Variants in NCOR1 observed in about 807,000 individuals in gnomAD.
The protein encoded by NCOR1 is protein phosphatase 1, regulatory subunit 109.
A neutral mutation model predicts 288.1 loss-of-function variants in NCOR1; 63 were observed. The observed-to-expected ratio is 0.22, with a 90% CI of 0.18 to 0.27. The LOEUF (loss-of-function observed/expected upper bound fraction) is 0.27. NCOR1 is among the 10% of genes least tolerant of loss of function. The pLI, the probability that NCOR1 is intolerant of heterozygous loss-of-function variation, is 1.00. For synonymous variants in NCOR1, 1,007 were observed against 1,065.9 expected (o/e 0.94, Z 1.08); for missense variants, 2,397 against 3,019.2 (o/e 0.79, Z 4.83).
At chr17:16,103,060 T>C (rs1199157734) in intron 19 of NCOR1, among the ~76,000 whole-genome samples, 3 of 152,240 alleles carry the variant, frequency 2.0e-5, no homozygotes, top group Non-Finnish European at 4.4e-5. Flanking sequence ...TAATCGTTTA[T>C]ATTGTTCTAT....
chr17:16,093,512 C>A (rs940979151), intron 21 of NCOR1, among the ~76,000 whole-genome samples: 1 of 152,026 alleles, frequency 6.6e-6, no homozygotes, highest in Non-Finnish European at 1.5e-5. Context: ...GATGTTTTGT[C>A]CAATACTTAA....
intron 10 of NCOR1, among the ~76,000 whole-genome samples, chr17:16,145,794 T>C (rs1454766916): frequency 5.3e-5 from 8 of 151,892 alleles, no homozygotes; most frequent in African/African-American, 1.9e-4. Flanking sequence ...GTCTGGGAGG[T>C]GTGCCCAACA....
intron 32 of NCOR1, among the ~76,000 whole-genome samples, chr17:16,067,082 G>A (rs1050771952): frequency 2.0e-5 from 3 of 152,062 alleles, no homozygotes; most frequent in Admixed American, 1.3e-4. Context: ...GATTATAACA[G>A]CCCAGCCAAG....
intron 18 of NCOR1, among the ~76,000 whole-genome samples, chr17:16,112,982 C>T (rs1476097289): frequency 1.3e-5 from 2 of 152,256 alleles, no homozygotes; most frequent in East Asian, 3.9e-4. Flanking sequence ...GCGATCTCGG[C>T]TCACTGCAAG....
Position 16,143,664 on chromosome 17 carries a change from G to A in NCOR1, c.1115C>T (p.Thr372Ile). The A allele has an allele frequency of 6.2e-7, 1 of 1,613,792 alleles. No homozygotes were observed. The highest frequency in any genetic ancestry group is 8.5e-7 in the Non-Finnish European group (1 of 1,179,822). Reference protein sequence around the residue: ...VGQRGAGLSATIARSEHEISE... With the variant: ...VGQRGAGLSAIIARSEHEISE... ...AATCTCATGCTCACTCCTAGCAATG[G>A]TGGCTGAAAGACCAGCTCCCCTCTG... is the stretch of plus-strand genomic sequence containing the variant. Residue 372 changes from threonine (T) to isoleucine (I), a missense_variant, in exon 11 of 46, where the codon ACC (threonine) becomes ATC (isoleucine). Thr to Ile is a moderately conservative substitution (Grantham distance 89). This residue lies in a region of NCOR1 where 51 missense variants were observed against 127.6 expected (regional missense o/e 0.40). Transcript: ENST00000268712.
intron 2 of NCOR1, among the ~76,000 whole-genome samples, chr17:16,191,188 C>T (rs761331710): frequency 6.6e-6 from 1 of 152,130 alleles, no homozygotes; most frequent in Non-Finnish European, 1.5e-5. Context: ...ATAAAGCAAA[C>T]AATTCCCTGA....
chr17:16,214,963 G>A (rs1044791799), intron 1 of NCOR1, among the ~76,000 whole-genome samples: 1 of 152,162 alleles, frequency 6.6e-6, no homozygotes, highest in Non-Finnish European at 1.5e-5. Flanking sequence ...CTTCCAAGTC[G>A]GCCACCAACT....
chr17:16,052,454 TAAGA>T (rs1196588046), intron 40 of NCOR1, among the ~76,000 whole-genome samples: 1 of 152,058 alleles, frequency 6.6e-6, no homozygotes, highest in Non-Finnish European at 1.5e-5. Context: ...CAAACAATCA[TAAGA>T]AAATATTATG....
chr17:16,124,316 T>C (rs569241327), intron 15 of NCOR1, among the ~76,000 whole-genome samples: 1 of 147,500 alleles, frequency 6.8e-6, no homozygotes, highest in African/African-American at 2.7e-5. Flanking sequence ...AAAGAAGCCA[T>C]ACATACTGTA....
At chr17:16,104,019 C>T (rs1379219507) in intron 19 of NCOR1, among the ~76,000 whole-genome samples, 1 of 152,132 alleles carries the variant, frequency 6.6e-6, no homozygotes, top group African/African-American at 2.4e-5. Flanking sequence ...CCCAAAAAAG[C>T]CTTCCATGGT....
At chr17:16,071,294 A>C in intron 30 of NCOR1, 115 bp downstream of exon 30, 1 of 1,426,562 alleles carries the variant, frequency 7.0e-7, no homozygotes, top group Non-Finnish European at 9.5e-7. Context: ...GGAAACTTTC[A>C]TGTTTACTTC....
intron 1 of NCOR1, among the ~76,000 whole-genome samples, chr17:16,200,905 C>T (rs893033779): frequency 2.0e-5 from 3 of 152,088 alleles, no homozygotes; most frequent in East Asian, 1.9e-4. Flanking sequence ...TAAAGAAAGC[C>T]GACCTCCTAA....
intron 14 of NCOR1, among the ~76,000 whole-genome samples, chr17:16,132,175 G>A (rs2075748665): frequency 6.6e-6 from 1 of 152,154 alleles, no homozygotes; most frequent in Non-Finnish European, 1.5e-5. Context: ...GCATAAAGGG[G>A]AAAATGGTGT....
At chr17:16,074,043 G>C (rs1245904214) in intron 27 of NCOR1, among the ~76,000 whole-genome samples, 1 of 152,154 alleles carries the variant, frequency 6.6e-6, no homozygotes, top group Non-Finnish European at 1.5e-5. Flanking sequence ...CAGTGAACAC[G>C]AAGACCCCAA....
At chr17:16,116,828 G>A (rs1421885933) in intron 18 of NCOR1, among the ~76,000 whole-genome samples, 1 of 152,178 alleles carries the variant, frequency 6.6e-6, no homozygotes, top group African/African-American at 2.4e-5. Flanking sequence ...ACATTCTTAA[G>A]TGACATTTTA....
intron 37 of NCOR1, among the ~76,000 whole-genome samples, chr17:16,060,627 C>T (rs979652746): frequency 6.6e-6 from 1 of 152,062 alleles, no homozygotes; most frequent in Admixed American, 6.5e-5. Context: ...ACTCAGAGAT[C>T]AAAAGAACTG....
chr17:16,093,178 T>G (rs544074820), intron 21 of NCOR1, among the ~76,000 whole-genome samples: 3 of 152,332 alleles, frequency 2.0e-5, no homozygotes, highest in Middle Eastern at 3.4e-3. Context: ...GAACTTCCCA[T>G]TTTTGAAACT....
At chr17:16,172,021 CTTGAAAATTT>C (rs746190559) in intron 3 of NCOR1, 26 bp from the exon 4 acceptor site, 1 of 1,512,150 alleles carries the variant, frequency 6.6e-7, no homozygotes, top group East Asian at 2.4e-5. Context: ...AAAATAAACA[CTTGAAAATTT>C]GTAAGTGATG....
chr17:16,085,040 C>A (rs1444092151), intron 23 of NCOR1, among the ~76,000 whole-genome samples: 1 of 152,078 alleles, frequency 6.6e-6, no homozygotes, highest in Non-Finnish European at 1.5e-5. Flanking sequence ...ATTTGTAATA[C>A]ATATATCTAA....
Sources: gnomAD v4.1 joint callset for allele counts (sites outside exome capture counted in the v4.1 genomes callset) on GRCh38, gnomAD v4.1.1 for gene constraint, gnomAD v4.1.1 regional missense constraint, MANE v1.5 for transcripts, NCBI Gene and HGNC (gene_info 2026-07-23, HGNC 2026-07-21) for gene names.